The following PIEZO2 variants were observed in gnomAD, a reference collection of about 807,000 sequenced individuals.
PIEZO2 encodes piezo-type mechanosensitive ion channel component 2.
Under a neutral mutation model 337.3 loss-of-function variants are expected in PIEZO2, and 172 were observed. That is an observed-to-expected ratio of 0.51 (90% CI 0.45 to 0.58). The LOEUF (loss-of-function observed/expected upper bound fraction) is 0.58. Among genes scored for constraint, PIEZO2 ranks in the 20% least tolerant of loss-of-function variants. The pLI, the probability that PIEZO2 is intolerant of heterozygous loss-of-function variation, is 0.00. For missense variants in PIEZO2, 3,028 were observed against 3,391.3 expected, an observed-to-expected ratio of 0.89 and a Z score of 2.66; for synonymous variants, 1,251 against 1,228.5, an observed-to-expected ratio of 1.02 and a Z score of -0.38.
intron 3 of PIEZO2, among the ~76,000 whole-genome samples, chr18:10,978,004 G>T (rs1181453476): frequency 6.6e-6 from 1 of 152,038 alleles, no homozygotes; most frequent in Non-Finnish European, 1.5e-5. Flanking sequence ...GGTGATAGCT[G>T]CACAACCTTT....
At chr18:10,950,598 T>C (rs1015585430) in intron 3 of PIEZO2, among the ~76,000 whole-genome samples, 2 of 152,220 alleles carry the variant, frequency 1.3e-5, no homozygotes, top group Non-Finnish European at 2.9e-5. Flanking sequence ...CTATTTCCAG[T>C]ATTCTGATAA....
In PIEZO2 at chr18:11,104,479, C is replaced by CAGAA; in HGVS notation, c.65-38258_65-38257insTTCT. ...GAGATCAATGAACGCAGCTGCCCTTCTCTCTAGGGGTGGGGCAGGGACGGC... is the reference window on the plus strand; with the variant it reads ...GAGATCAATGAACGCAGCTGCCCTTCAGAATCTCTAGGGGTGGGGCAGGGACGGC... On this transcript the variant is annotated intron_variant, in intron 1 of 55. Transcript: ENST00000674853. The surrounding 1 kb of genome is among the most constrained non-coding windows in gnomAD (Gnocchi z 4.6). Among the ~76,000 whole-genome samples, 1 of 152,196 alleles carries CAGAA rather than the reference C, an allele frequency of 6.6e-6. No individual in the cohort carries two copies. Among genetic ancestry groups the CAGAA allele is most frequent in the East Asian group, 1.9e-4 (1 of 5,180 alleles).
Position 11,146,057 on chromosome 18 carries a change from C to T in PIEZO2, c.64+2468G>A, listed in dbSNP as rs1244472183. Among the ~76,000 whole-genome samples the T allele has an allele frequency of 6.6e-6, 1 of 152,168 alleles. No individual in the cohort carries two copies. The highest frequency in any genetic ancestry group is 1.9e-4 in the East Asian group (1 of 5,198). ...ACATGTGCACACTCACACTTATGCA[C>T]TCAAACTCACATTCACACAAACTGT... On this transcript the variant is annotated intron_variant, in intron 1 of 55. Transcript: ENST00000674853. The surrounding 1 kb of genome is among the most constrained non-coding windows in gnomAD (Gnocchi z 6.1).
intron 3 of PIEZO2, among the ~76,000 whole-genome samples, chr18:10,927,108 TC>T (rs1479602764): frequency 6.6e-6 from 1 of 152,206 alleles, no homozygotes; most frequent in Non-Finnish European, 1.5e-5. Context: ...GCTGCACACT[TC>T]CTGGATTTCT....
chr18:10,927,703 T>TA (rs1431646632), intron 3 of PIEZO2, among the ~76,000 whole-genome samples: 3 of 152,162 alleles, frequency 2.0e-5, no homozygotes, highest in African/African-American at 7.2e-5. Context: ...TAATCGTACC[T>TA]AAAATGAAAG....
In PIEZO2 at chr18:10,681,906, T is replaced by G. The variant is rs532827537; in HGVS notation, c.7687-153A>C. Among the ~76,000 whole-genome samples, 3 of 151,430 alleles carry G rather than the reference T, an allele frequency of 2.0e-5. No individual in the cohort carries two copies. In the East Asian group the frequency reaches 5.8e-4, roughly 29 times the overall value. Reference sequence around the variant, plus strand: ...CATCCGAGATCTCTTTTTGGAGTGATTATTCCCGTGCTCAAGACCAAAGGG... The same window carrying G: ...CATCCGAGATCTCTTTTTGGAGTGAGTATTCCCGTGCTCAAGACCAAAGGG... On this transcript the variant is annotated intron_variant, in intron 50 of 55. Transcript: ENST00000674853.
At chr18:10,829,612 T>C (rs1683383) in intron 7 of PIEZO2, among the ~76,000 whole-genome samples, 29,946 of 151,734 alleles carry the variant, frequency 0.2, 3,802 homozygotes, top group African/African-American at 0.37. Context: ...TTACAGAATA[T>C]AAAAATCAAC....
chr18:10,740,835 T>C, intron 33 of PIEZO2, 196 bp downstream of exon 33: 6 of 704,498 alleles, frequency 8.5e-6, no homozygotes, highest in Non-Finnish European at 1.3e-5. Flanking sequence ...AGAACGTCTG[T>C]GCTGATGTCT....
At chr18:10,916,310 C>A (rs1164298666) in intron 3 of PIEZO2, among the ~76,000 whole-genome samples, 1 of 152,176 alleles carries the variant, frequency 6.6e-6, no homozygotes, top group Admixed American at 6.5e-5. Context: ...CTTGGGTGGC[C>A]GATGGGACCA....
chr18:10,927,617 C>G (rs987647191), intron 3 of PIEZO2, among the ~76,000 whole-genome samples: 10 of 152,162 alleles, frequency 6.6e-5, no homozygotes, highest in South Asian at 2.1e-4. Context: ...GCAATCAATA[C>G]ACATTTAAAG....
rs1425588220 is a variant in PIEZO2, at chr18:10,846,197, C to A, written c.917+9156G>T. ...TTACAGTTCCACATGGCTAGGGAGGCCTCACAATCATGGCAGAAGGCAAGG... is the reference window on the plus strand; with the variant it reads ...TTACAGTTCCACATGGCTAGGGAGGACTCACAATCATGGCAGAAGGCAAGG... On this transcript the variant is annotated intron_variant, in intron 7 of 55. Coordinates refer to ENST00000674853, the MANE Select transcript of PIEZO2 (RefSeq NM_001378183.1). The surrounding 1 kb of genome is among the most constrained non-coding windows in gnomAD (Gnocchi z 4.1). Among the ~76,000 whole-genome samples the A allele has an allele frequency of 6.6e-6, 1 of 152,130 alleles. No individual in the cohort carries two copies. The highest frequency in any genetic ancestry group is 1.5e-5 in the Non-Finnish European group (1 of 68,028).
chr18:10,696,269 T>C lies in PIEZO2; in HGVS notation c.6995A>G (p.Asp2332Gly). 1 of 1,614,166 alleles carries C rather than the reference T, an allele frequency of 6.2e-7. No individual in the cohort carries two copies. Among genetic ancestry groups the C allele is most frequent in the Non-Finnish European group, 8.5e-7 (1 of 1,180,016 alleles). Residue 2332 changes from aspartate to glycine, a missense_variant, in exon 47 of 56, where the codon GAC (aspartate) becomes GGC (glycine). Asp to Gly is a moderately conservative substitution (Grantham distance 94). Transcript: ENST00000674853. ...WAFGKHSAAA[D>G]ITSSLSEDQV... ...GTCCTCTGACAGTGAAGAGGTGATG[T>C]CTGCAGCTGCTGAGTGTTTCTGGGG...
Position 11,143,661 on chromosome 18 carries a change from TCTCTCTCTCTCA to T in PIEZO2, c.64+4852_64+4863del, listed in dbSNP as rs2040730038. On this transcript the variant is annotated intron_variant, in intron 1 of 55. Coordinates refer to ENST00000674853, the MANE Select transcript of PIEZO2 (RefSeq NM_001378183.1). The surrounding 1 kb of genome is among the most constrained non-coding windows in gnomAD (Gnocchi z 4.9). ...CACACTCTCTCTCTCTCTCTCTCTC[TCTCTCTCTCTCA>T]CTCTCTCTCTCTCACATAATTTGGC... Among the ~76,000 whole-genome samples, 1 of 150,224 alleles carries T rather than the reference TCTCTCTCTCTCA, an allele frequency of 6.7e-6. No homozygotes were observed. The highest frequency in any genetic ancestry group is 6.7e-5 in the Admixed American group (1 of 15,034).
chr18:10,819,887 T>A lies in PIEZO2; in HGVS notation c.918-12613A>T, dbSNP rs1345387162. On this transcript the variant is annotated intron_variant, in intron 7 of 55. Transcript: ENST00000674853. The surrounding 1 kb of genome is among the most constrained non-coding windows in gnomAD (Gnocchi z 4.3). ...TGCAAAATTCTCTCAGTCTTTCGTA[T>A]CTGATAATATCTTTATTTGACCTTC... 6.6e-6 allele frequency among the ~76,000 whole-genome samples: 1 copy of A among 152,232 alleles called. No individual in the cohort carries two copies. Among genetic ancestry groups the A allele is most frequent in the African/African-American group, 2.4e-5 (1 of 41,466 alleles).
At position 11,001,942 on chromosome 18, in the gene PIEZO2, G is replaced by GAAGC. The variant is rs1207127324; in HGVS notation, c.161-22283_161-22282insGCTT. On this transcript the variant is annotated intron_variant, in intron 2 of 55. Coordinates refer to ENST00000674853, the MANE Select transcript of PIEZO2 (RefSeq NM_001378183.1). This position sits in a 1 kb window ranked among gnomAD's most constrained non-coding sequence, Gnocchi z 5.3. ...GGAAGGAAGGAAGGAAGGAAGGAAG[G>GAAGC]AAGGAAGAAAAAAAGACTTGGAAGG... 2.4e-5 allele frequency among the ~76,000 whole-genome samples: 3 copies of GAAGC among 124,106 alleles called. No individual in the cohort carries two copies. The highest frequency in any genetic ancestry group is 8.7e-5 in the African/African-American group (3 of 34,662). 81.4% of individuals were successfully genotyped at this position (124,106 alleles called of 152,430 possible).
chr18:10,847,011 A>G lies in PIEZO2; in HGVS notation c.917+8342T>C, dbSNP rs1381813020. 2.0e-5 allele frequency among the ~76,000 whole-genome samples: 3 copies of G among 152,180 alleles called. No individual in the cohort carries two copies. The highest frequency in any genetic ancestry group is 7.2e-5 in the African/African-American group (3 of 41,438). On this transcript the variant is annotated intron_variant, in intron 7 of 55. Coordinates refer to ENST00000674853, the MANE Select transcript of PIEZO2 (RefSeq NM_001378183.1). This position sits in a 1 kb window ranked among gnomAD's most constrained non-coding sequence, Gnocchi z 5.7. ...ACCCACCCACTCTGGGCTGGGCACTATCTTCACCCCTATTTTATAAATAAG... is the reference window on the plus strand; with the variant it reads ...ACCCACCCACTCTGGGCTGGGCACTGTCTTCACCCCTATTTTATAAATAAG...
chr18:11,065,207 C>T (rs545162557), intron 2 of PIEZO2, among the ~76,000 whole-genome samples: 3 of 152,180 alleles, frequency 2.0e-5, no homozygotes, highest in Admixed American at 1.3e-4. Flanking sequence ...CTGTGTACAC[C>T]GTGGTCTTTA....
At chr18:10,747,288 G>T (rs1358948486) in intron 30 of PIEZO2, among the ~76,000 whole-genome samples, 1 of 152,112 alleles carries the variant, frequency 6.6e-6, no homozygotes, top group Non-Finnish European at 1.5e-5. Flanking sequence ...AACCACAAAG[G>T]AAAAAGGGAA....
chr18:11,109,304 C>G lies in PIEZO2; in HGVS notation c.64+39221G>C, dbSNP rs148087209. Among the ~76,000 whole-genome samples the G allele has an allele frequency of 1.3e-5, 2 of 152,298 alleles. No homozygotes were observed. Among genetic ancestry groups the G allele is most frequent in the Non-Finnish European group, 2.9e-5 (2 of 68,020 alleles). On this transcript the variant is annotated intron_variant, in intron 1 of 55. Transcript: ENST00000674853. The surrounding 1 kb of genome is among the most constrained non-coding windows in gnomAD (Gnocchi z 5.1). ...GTATTGCTGAATTAAATCACCTTAG[C>G]AAATCTCTGTGCTATGAAAATCACT...
Sources: allele counts gnomAD v4.1 joint callset (sites outside exome capture counted in the v4.1 genomes callset), GRCh38; gene constraint gnomAD v4.1.1; non-coding constraint Gnocchi (gnomAD v3.1); transcripts MANE v1.5; gene names NCBI Gene and HGNC (gene_info 2026-07-23, HGNC 2026-07-21).